ANKHD1: variants seen among roughly 807,000 people sequenced by gnomAD.
ANKHD1 encodes ankyrin repeat and KH domain containing 1.
A neutral mutation model predicts 230.5 loss-of-function variants in ANKHD1; 31 were observed. The ratio of observed to expected loss-of-function variants is 0.13; its 90% CI spans 0.10 to 0.18. ANKHD1 has a LOEUF of 0.18. Ranked by LOEUF, ANKHD1 falls within the 10% of genes least tolerant of loss-of-function variation. The pLI is 1.00. For missense variants in ANKHD1, 2,256 were observed against 3,071.3 expected (o/e 0.73, Z 6.27); for synonymous variants, 1,074 against 1,117.6 (o/e 0.96, Z 0.78).
intron 10 of ANKHD1, among the ~76,000 whole-genome samples, chr5:140,470,570 T>C (rs1776415844): frequency 6.6e-6 from 1 of 150,864 alleles, no homozygotes; most frequent in African/African-American, 2.4e-5. Context: ...GTCTTAAGTC[T>C]GTCATCCAGG....
At chr5:140,496,487 T>G (rs1752050525) in intron 14 of ANKHD1, 33 bp from the exon 15 acceptor site, 2 of 758,742 alleles carry the variant, frequency 2.6e-6, no homozygotes, top group Non-Finnish European at 3.7e-6. Context: ...TTTTTTAGCA[T>G]GGCACTCTTT....
At chr5:140,520,743 C>T (rs1357138769) in intron 24 of ANKHD1, among the ~76,000 whole-genome samples, 4 of 135,008 alleles carry the variant, frequency 3.0e-5, no homozygotes, top group East Asian at 2.2e-4. Context: ...AACACATGGA[C>T]ACAGGAAGGG....
chr5:140,466,846 A>C (rs1276542172), intron 10 of ANKHD1, among the ~76,000 whole-genome samples: 3 of 152,014 alleles, frequency 2.0e-5, no homozygotes, highest in Non-Finnish European at 4.4e-5. Flanking sequence ...ACTTGGGAGA[A>C]TCACTTGAAC....
intron 1 of ANKHD1, among the ~76,000 whole-genome samples, chr5:140,431,473 A>T (rs763651222): frequency 7.9e-5 from 12 of 152,250 alleles, no homozygotes; most frequent in Non-Finnish European, 5.9e-5. Context: ...ACACAGAATC[A>T]TGTTCTAAAA....
intron 10 of ANKHD1, among the ~76,000 whole-genome samples, chr5:140,475,521 G>A (rs906796913): frequency 3.9e-5 from 6 of 152,008 alleles, no homozygotes; most frequent in African/African-American, 1.4e-4. Context: ...TTAGCAAATT[G>A]TCATATCCAG....
rs181690650 is a variant in ANKHD1, at chr5:140,443,409, G to A, written c.913+2267G>A. Among the ~76,000 whole-genome samples, 34 of 151,934 alleles carry A rather than the reference G, an allele frequency of 2.2e-4. No homozygotes were observed. In the East Asian group the frequency reaches 6.4e-3, roughly 29 times the overall value. On this transcript the variant is annotated intron_variant, in intron 5 of 33. Transcript: ENST00000360839. The stretch of plus-strand genomic sequence containing the variant: ...TCCTTTGAAAAATACCCAAAAAAAA[G>A]GCCGGGCGTGGTGGCTCACGCCTGT...
intron 10 of ANKHD1, among the ~76,000 whole-genome samples, chr5:140,470,587 T>C (rs1407030107): frequency 1.3e-5 from 2 of 150,980 alleles, no homozygotes; most frequent in African/African-American, 4.8e-5. Flanking sequence ...CAGGTCACTA[T>C]TTTTTTCTGT....
At chr5:140,500,081 C>G (rs1287262797) in intron 15 of ANKHD1, among the ~76,000 whole-genome samples, 1 of 151,988 alleles carries the variant, frequency 6.6e-6, no homozygotes, top group Non-Finnish European at 1.5e-5. Flanking sequence ...GTTGGCCAGG[C>G]TGCTTTCAAA....
At chr5:140,449,625 GC>G (rs1473969867) in intron 7 of ANKHD1, among the ~76,000 whole-genome samples, 1 of 150,236 alleles carries the variant, frequency 6.7e-6, no homozygotes, top group African/African-American at 2.5e-5. Context: ...TTGCGCAACT[GC>G]ACTCCAGCCT....
At chr5:140,433,546 CATT>C (rs1470173071) in intron 1 of ANKHD1, among the ~76,000 whole-genome samples, 1 of 152,174 alleles carries the variant, frequency 6.6e-6, no homozygotes, top group Non-Finnish European at 1.5e-5. Context: ...ATTTCTCCCT[CATT>C]AGTGCATATA....
chr5:140,496,974 C>T lies in ANKHD1; in HGVS notation c.2700C>T (p.Asp900=). The T allele has an allele frequency of 6.2e-7, 1 of 1,614,170 alleles. No individual in the cohort carries two copies. Among genetic ancestry groups the T allele is most frequent in the South Asian group, 1.1e-5 (1 of 91,084 alleles). ...ACTTTTCAGAGTTACCTCAGGTTGACACAATCTTATTTAAAGATAATGATG... is the reference window on the plus strand; with the variant it reads ...ACTTTTCAGAGTTACCTCAGGTTGATACAATCTTATTTAAAGATAATGATG... ...EDHFSELPQV[D]TILFKDNDVD... Residue 900 remains aspartate (D), a synonymous_variant, in exon 15 of 34, where the codon GAC becomes GAT. Transcript: ENST00000360839.
chr5:140,472,550 T>A, intron 10 of ANKHD1: 1 of 929,300 alleles, frequency 1.1e-6, no homozygotes, highest in Non-Finnish European at 1.4e-6. Context: ...ATTTTCTTAT[T>A]CAGGTAGTTC....
intron 10 of ANKHD1, 126 bp from the exon 11 acceptor site, chr5:140,482,454 G>A (rs954850529): frequency 1.0e-6 from 1 of 1,004,010 alleles, no homozygotes; most frequent in East Asian, 2.8e-5. Flanking sequence ...GAGGTAGGTG[G>A]TATAAAGTGT....
chr5:140,453,141 A>G (rs1488802947), intron 7 of ANKHD1, among the ~76,000 whole-genome samples: 1 of 152,232 alleles, frequency 6.6e-6, no homozygotes, highest in Non-Finnish European at 1.5e-5. Flanking sequence ...AAATGAATGA[A>G]ATGAAGCGAG....
At chr5:140,505,537 T>C (rs1287160583) in intron 17 of ANKHD1, among the ~76,000 whole-genome samples, 187 bp from the exon 18 acceptor site, 1 of 152,210 alleles carries the variant, frequency 6.6e-6, no homozygotes, top group African/African-American at 2.4e-5. Flanking sequence ...CGACTTAGTT[T>C]TTTAATTAGG....
In ANKHD1 at chr5:140,538,922, C is replaced by G; in HGVS notation, c.7408C>G (p.Leu2470Val). The part of the protein sequence containing the change: ...ASGFVDFSKG[L>V]PISMYGGTII... ...ATCTTTTTTCCTGCTGTTTTAGGGT[C>G]TGCCAATTTCCATGTATGGAGGCAC... The change falls in exon 33 of 34, where the codon CTG (leucine) becomes GTG (valine). Residue 2470 changes from leucine (L) to valine (V), a missense_variant. Leu to Val is a conservative substitution (Grantham distance 32). This residue lies in a region of ANKHD1 where 778 missense variants were observed against 966.5 expected (regional missense o/e 0.80). Transcript: ENST00000360839. 2 of 1,532,254 alleles carry G rather than the reference C, an allele frequency of 1.3e-6. No homozygotes were observed. Among genetic ancestry groups the G allele is most frequent in the Middle Eastern group, 1.7e-4 (1 of 5,732 alleles). The allele number at this position is 1,532,254 out of a possible 1,614,324, so 94.9% of individuals were successfully genotyped here.
In ANKHD1 at chr5:140,539,674, A is replaced by C; in HGVS notation, c.*256A>C. The C allele has an allele frequency of 2.8e-6, 1 of 363,606 alleles. No homozygotes were observed. Among genetic ancestry groups the C allele is most frequent in the East Asian group, 4.5e-5 (1 of 22,116 alleles). 22.5% of individuals were successfully genotyped at this position (363,606 alleles called of 1,614,324 possible). ...ATACAGAATACTACTTGTATGCAGA[A>C]GAGAATTAGTTGATTACATGTTTCA... On this transcript the variant is annotated 3_prime_UTR_variant, in exon 34 of 34. Transcript: ENST00000360839.
At chr5:140,402,480 G>A (rs1770030906) in intron 1 of ANKHD1, among the ~76,000 whole-genome samples, 1 of 152,172 alleles carries the variant, frequency 6.6e-6, no homozygotes, top group African/African-American at 2.4e-5. Flanking sequence ...GTCACCATTC[G>A]TAGACCCACA....
At chr5:140,415,029 T>C (rs868241023) in intron 1 of ANKHD1, among the ~76,000 whole-genome samples, 4 of 152,146 alleles carry the variant, frequency 2.6e-5, no homozygotes, top group Admixed American at 6.5e-5. Context: ...ATGAACCTAA[T>C]TTATCTGTTT....
Sources: gnomAD v4.1 joint callset for allele counts (sites outside exome capture counted in the v4.1 genomes callset) on GRCh38, gnomAD v4.1.1 for gene constraint, gnomAD v4.1.1 regional missense constraint, MANE v1.5 for transcripts, NCBI Gene and HGNC (gene_info 2026-07-23, HGNC 2026-07-21) for gene names.